TCL1A: variants seen among roughly 807,000 people sequenced by gnomAD.
The protein encoded by TCL1A is T-cell leukemia/lymphoma protein 1A.
A neutral mutation model predicts 16.9 loss-of-function variants in TCL1A; 9 were observed. The ratio of observed to expected loss-of-function variants is 0.53; its 90% CI spans 0.32 to 0.93. The LOEUF is 0.93. TCL1A is among the 40% of genes least tolerant of loss of function. The probability of loss-of-function intolerance (pLI) is 0.04; values close to 1 mark genes in which losing one functional copy is unlikely to be tolerated. For missense variants in TCL1A, 139 were observed against 153.0 expected (o/e 0.91, Z 0.48); for synonymous variants, 69 against 63.2 (o/e 1.09, Z -0.44).
chr14:95,714,018 G>T lies in TCL1A; in HGVS notation c.49C>A (p.Arg17Ser). The T allele has an allele frequency of 6.2e-7, 1 of 1,614,128 alleles. No homozygotes were observed. The highest frequency in any genetic ancestry group is 8.5e-7 in the Non-Finnish European group (1 of 1,180,038). The change falls in exon 1 of 4, where the codon CGC becomes AGC. Residue 17 changes from arginine to serine, a missense_variant. Arg to Ser is a moderately radical substitution (Grantham distance 110, BLOSUM62 -1). Transcript: ENST00000402399. ...ACGAACTTCTCCCAGGCCCACAGGCGGTCCGGGTGGTCGGTGACTGCCTCC... is the reference window on the plus strand; with the variant it reads ...ACGAACTTCTCCCAGGCCCACAGGCTGTCCGGGTGGTCGGTGACTGCCTCC... ...LGEAVTDHPD[R>S]LWAWEKFVYL...
chr14:95,711,705 C>T (rs763303471), intron 3 of TCL1A, 44 bp downstream of exon 3: 1 of 1,604,388 alleles, frequency 6.2e-7, no homozygotes, highest in Admixed American at 1.7e-5. Context: ...CTTTCTGATA[C>T]AGCCACTGTG....
At chr14:95,713,557 T>A (rs1950433548) in intron 1 of TCL1A, among the ~76,000 whole-genome samples, 1 of 152,310 alleles carries the variant, frequency 6.6e-6, no homozygotes, top group African/African-American at 2.4e-5. Context: ...CCTAAACTGT[T>A]GAGGGTTCTT....
chr14:95,713,825 A>T, intron 1 of TCL1A, 122 bp downstream of exon 1: 2 of 1,461,458 alleles, frequency 1.4e-6, no homozygotes, highest in East Asian at 2.3e-5. Flanking sequence ...AAGTGGCTTC[A>T]TCTGTGGGGA....
intron 2 of TCL1A, 149 bp downstream of exon 2, chr14:95,712,071 A>ACC: frequency 3.8e-6 from 4 of 1,057,488 alleles, no homozygotes; most frequent in South Asian, 1.5e-5. Flanking sequence ...TCTCTCTGGT[A>ACC]AAGTCCTTTA....
chr14:95,712,627 C>CTGT, intron 1 of TCL1A: 1 of 1,477,600 alleles, frequency 6.8e-7, no homozygotes, highest in African/African-American at 1.4e-5. Flanking sequence ...GTCTAGCCAC[C>CTGT]CAGACAGGGC....
chr14:95,711,989 C>A, intron 2 of TCL1A, 187 bp from the exon 3 acceptor site: 1 of 870,838 alleles, frequency 1.1e-6, no homozygotes, highest in Non-Finnish European at 1.7e-6. Context: ...CCAGAGATGT[C>A]TTCCTGCGGC....
intron 1 of TCL1A, 88 bp downstream of exon 1, chr14:95,713,859 C>G (rs571174544): frequency 7.6e-6 from 12 of 1,569,810 alleles, no homozygotes; most frequent in Middle Eastern, 1.7e-4. Context: ...ATAGTGAGTG[C>G]TCCTTGAGTC....
chr14:95,711,807 G>C lies in TCL1A; in HGVS notation c.298-5C>G, dbSNP rs1193578403. On this transcript the variant is annotated splice_polypyrimidine_tract_variant and splice_region_variant and intron_variant, in intron 2 of 3. Coordinates refer to ENST00000402399, the MANE Select transcript of TCL1A (RefSeq NM_021966.3). The stretch of plus-strand genomic sequence containing the variant: ...CATGTCCTCCACGCCGTCAATCTGA[G>C]AGGCAGAGAGAGAGAGAAGGCATTG... 6 of 1,609,976 alleles carry C rather than the reference G, an allele frequency of 3.7e-6. No individual in the cohort carries two copies. The highest frequency in any genetic ancestry group is 5.1e-6 in the Non-Finnish European group (6 of 1,179,920).
intron 1 of TCL1A, among the ~76,000 whole-genome samples, chr14:95,713,498 G>A (rs1379907769): frequency 1.3e-5 from 2 of 152,200 alleles, no homozygotes; most frequent in Admixed American, 6.5e-5. Context: ...CCCAGAGGTA[G>A]TGGAAAATAC....
At chr14:95,713,687 C>T (rs149747912) in intron 1 of TCL1A, among the ~76,000 whole-genome samples, 7 of 152,330 alleles carry the variant, frequency 4.6e-5, no homozygotes, top group South Asian at 4.1e-4. Context: ...AAAATGCCTG[C>T]TGTAGTCAAC....
intron 1 of TCL1A, among the ~76,000 whole-genome samples, chr14:95,713,531 G>T (rs923393984): frequency 6.6e-6 from 1 of 152,236 alleles, no homozygotes; most frequent in African/African-American, 2.4e-5. Flanking sequence ...GCCAGTGTTT[G>T]CTATGCCTGG....
At chr14:95,712,882 T>C in intron 1 of TCL1A, 1 of 318,678 alleles carries the variant, frequency 3.1e-6, no homozygotes, top group Admixed American at 4.2e-5. Flanking sequence ...TGGGTTATTT[T>C]TTGTGGAGCA....
At chr14:95,711,230 C>T (rs546212306) in intron 3 of TCL1A, among the ~76,000 whole-genome samples, 16 of 145,436 alleles carry the variant, frequency 1.1e-4, no homozygotes, top group African/African-American at 2.6e-4. Flanking sequence ...GAGGCCGAGG[C>T]GGGCAGATCA....
Position 95,711,819 on chromosome 14 carries a change from G to C in TCL1A, c.298-17C>G, listed in dbSNP as rs185731765. On this transcript the variant is annotated splice_polypyrimidine_tract_variant and intron_variant, in intron 2 of 3. Coordinates refer to ENST00000402399, the MANE Select transcript of TCL1A (RefSeq NM_021966.3). Reference sequence around the variant, plus strand: ...GCCGTCAATCTGAGAGGCAGAGAGAGAGAGAAGGCATTGATCGGCCAGAGC... The same window carrying C: ...GCCGTCAATCTGAGAGGCAGAGAGACAGAGAAGGCATTGATCGGCCAGAGC... The C allele has an allele frequency of 3.1e-6, 5 of 1,608,182 alleles. No homozygotes were observed. Among genetic ancestry groups the C allele is most frequent in the Non-Finnish European group, 3.4e-6 (4 of 1,179,824 alleles).
intron 1 of TCL1A, among the ~76,000 whole-genome samples, 172 bp downstream of exon 1, chr14:95,713,775 T>A (rs887972805): frequency 6.6e-6 from 1 of 152,294 alleles, no homozygotes; most frequent in South Asian, 2.1e-4. Flanking sequence ...CCTTCTTCCC[T>A]GCCTGGAGAA....
chr14:95,713,331 T>A (rs540704019), intron 1 of TCL1A, among the ~76,000 whole-genome samples: 1 of 152,332 alleles, frequency 6.6e-6, no homozygotes, highest in South Asian at 2.1e-4. Context: ...ATTGAGTAAA[T>A]CCAAATACTT....
chr14:95,713,880 C>G (rs1886480644), intron 1 of TCL1A, 67 bp downstream of exon 1: 4 of 1,596,288 alleles, frequency 2.5e-6, no homozygotes, highest in Admixed American at 1.7e-5. Flanking sequence ...CTCGCCCTTC[C>G]TAGGGCATCC....
chr14:95,711,491 A>T (rs1886352596), intron 3 of TCL1A: 2 of 422,142 alleles, frequency 4.7e-6, no homozygotes, highest in Non-Finnish European at 8.5e-6. Flanking sequence ...AGCAATGGTA[A>T]ATGAAAGTGC....
rs77995554 is a variant in TCL1A at position 95,712,763 on chromosome 14, G to A, written c.121-367C>T. The A allele has an allele frequency of 7.9e-3, 8,026 of 1,009,650 alleles. 471 individuals carry two copies. The African/African-American group carries it at 0.12, about 15-fold the overall frequency. 62.5% of individuals were successfully genotyped at this position (1,009,650 alleles called of 1,614,324 possible). A position where few individuals can be genotyped will look rare whatever the true frequency, so the allele number is the denominator to read the frequency against. ...TTAAGACCAGCCTGGGTCACAGAGC[G>A]AGACCCTGTATCTACAGGAAAAAAA... On this transcript the variant is annotated intron_variant, in intron 1 of 3. Coordinates refer to ENST00000402399, the MANE Select transcript of TCL1A (RefSeq NM_021966.3).
Sources: allele counts gnomAD v4.1 joint callset (sites outside exome capture counted in the v4.1 genomes callset), GRCh38; gene constraint gnomAD v4.1.1; transcripts MANE v1.5; gene names NCBI Gene and HGNC (gene_info 2026-07-23, HGNC 2026-07-21).